SGK3: variants seen among roughly 807,000 people sequenced by gnomAD.
SGK3 encodes serum/glucocorticoid regulated kinase family member 3, also known as serine/threonine-protein kinase Sgk3.
In SGK3, 47 loss-of-function variants were observed where a neutral mutation model predicts 68.5. That is an observed-to-expected ratio of 0.69 (90% CI 0.54 to 0.87). The LOEUF is 0.87. SGK3 is among the 40% of genes least tolerant of loss of function. The probability of loss-of-function intolerance (pLI) is 0.00; values close to 1 mark genes in which losing one functional copy is unlikely to be tolerated. For synonymous variants in SGK3, 181 were observed against 189.1 expected (o/e 0.96, Z 0.35); for missense variants, 479 against 575.5 (o/e 0.83, Z 1.72).
At chr8:66,787,918 C>G (rs1301925984) in intron 1 of SGK3, among the ~76,000 whole-genome samples, 2 of 152,242 alleles carry the variant, frequency 1.3e-5, no homozygotes, top group Non-Finnish European at 2.9e-5. Flanking sequence ...GGCACTCCTC[C>G]TTACAGGTAA....
rs372185721 is a variant in SGK3, at chr8:66,824,922, TA to T, written c.417+2469del. 1.1e-4 allele frequency among the ~76,000 whole-genome samples: 17 copies of T among 152,336 alleles called. No individual in the cohort carries two copies. The East Asian group carries it at 3.1e-3, about 28-fold the overall frequency. On this transcript the variant is annotated intron_variant, in intron 6 of 16. Transcript: ENST00000521198. ...TATATATTGGTAAGGTTATGGATTT[TA>T]AAAAACCTTTTTCCTAATACTTTTG... is the stretch of plus-strand genomic sequence containing the variant.
chr8:66,800,696 A>G (rs1002135456), intron 3 of SGK3, among the ~76,000 whole-genome samples: 2 of 152,192 alleles, frequency 1.3e-5, no homozygotes, highest in African/African-American at 4.8e-5. Flanking sequence ...CTATGTATGT[A>G]TTTGTTCCTA....
intron 4 of SGK3, 89 bp from the exon 5 acceptor site, chr8:66,813,764 A>G: frequency 8.9e-7 from 1 of 1,126,910 alleles, no homozygotes; most frequent in Admixed American, 3.3e-5. Context: ...ATCAAAATTC[A>G]CTATCTTGTG....
intron 16 of SGK3, among the ~76,000 whole-genome samples, chr8:66,851,815 T>C (rs1198758374): frequency 6.6e-6 from 1 of 152,170 alleles, no homozygotes; most frequent in Non-Finnish European, 1.5e-5. Context: ...AGGCCAGTAA[T>C]GATGTTAGTC....
chr8:66,835,837 C>T lies in SGK3; in HGVS notation c.600C>T (p.Asn200=), dbSNP rs561632293. 1 of 1,609,528 alleles carries T rather than the reference C, an allele frequency of 6.2e-7. No individual in the cohort carries two copies. The highest frequency in any genetic ancestry group is 1.3e-5 in the African/African-American group (1 of 74,752). ...TGTTACAGAAAAAAATAGTTCTCAACAGAAAAGAGGTAAAATAAAATAGTT... is the reference window on the plus strand; with the variant it reads ...TGTTACAGAAAAAAATAGTTCTCAATAGAAAAGAGGTAAAATAAAATAGTT... ...VKVLQKKIVL[N]RKEQKHIMAE... The change falls in exon 9 of 17, where the codon AAC becomes AAT. Residue 200 remains asparagine, a synonymous_variant. Coordinates refer to ENST00000521198, the MANE Select transcript of SGK3 (RefSeq NM_001033578.3).
At chr8:66,813,384 G>C (rs1028653691) in intron 4 of SGK3, among the ~76,000 whole-genome samples, 7 of 152,154 alleles carry the variant, frequency 4.6e-5, no homozygotes, top group Admixed American at 4.6e-4. Context: ...GAGTTTTGGC[G>C]ATATTCAGTT....
At chr8:66,773,844 C>A (rs899360361) in intron 1 of SGK3, among the ~76,000 whole-genome samples, 1 of 152,096 alleles carries the variant, frequency 6.6e-6, no homozygotes, top group African/African-American at 2.4e-5. Context: ...TCGTTTATTT[C>A]TAGAATTTTC....
At chr8:66,770,837 C>G (rs191280598) in intron 1 of SGK3, among the ~76,000 whole-genome samples, 1 of 152,300 alleles carries the variant, frequency 6.6e-6, no homozygotes, top group Non-Finnish European at 1.5e-5. Context: ...CTCTAACCAT[C>G]TTGTTCTCCC....
intron 10 of SGK3, among the ~76,000 whole-genome samples, chr8:66,839,557 A>ATT (rs1382515146): frequency 1.4e-5 from 1 of 72,518 alleles, no homozygotes; most frequent in Non-Finnish European, 2.4e-5. Context: ...ATATATATAT[A>ATT]TTTTCATATG....
At chr8:66,855,417 G>C (rs966714861) in intron 16 of SGK3, among the ~76,000 whole-genome samples, 12 of 152,186 alleles carry the variant, frequency 7.9e-5, no homozygotes, top group African/African-American at 2.9e-4. Flanking sequence ...TGGCCAGGCT[G>C]ATCTTGAACT....
At chr8:66,733,406 A>G (rs753221598) in intron 1 of SGK3, among the ~76,000 whole-genome samples, 1 of 152,230 alleles carries the variant, frequency 6.6e-6, no homozygotes, top group Non-Finnish European at 1.5e-5. Context: ...CACCCCTGTT[A>G]GCAACACTGA....
At chr8:66,764,897 C>A (rs753659221) in intron 1 of SGK3, among the ~76,000 whole-genome samples, 1 of 152,110 alleles carries the variant, frequency 6.6e-6, no homozygotes, top group Non-Finnish European at 1.5e-5. Flanking sequence ...TACTTCATTC[C>A]TTTTTATGGC....
intron 6 of SGK3, among the ~76,000 whole-genome samples, chr8:66,827,164 C>T (rs898779985): frequency 2.0e-5 from 3 of 151,248 alleles, no homozygotes; most frequent in Non-Finnish European, 4.4e-5. Context: ...GGTGGATCAT[C>T]TGAGGTCAGG....
chr8:66,735,234 G>A (rs1420173996), intron 1 of SGK3, among the ~76,000 whole-genome samples: 2 of 152,162 alleles, frequency 1.3e-5, no homozygotes, highest in African/African-American at 4.8e-5. Flanking sequence ...CTGTTGATAT[G>A]TATAGTTCAG....
At chr8:66,735,980 G>A (rs1220866765) in intron 1 of SGK3, among the ~76,000 whole-genome samples, 2 of 152,136 alleles carry the variant, frequency 1.3e-5, no homozygotes, top group African/African-American at 2.4e-5. Context: ...TGGAATGAAC[G>A]TCATTGATGC....
At chr8:66,749,665 TCAATTTTAG>T (rs1324418874) in intron 1 of SGK3, among the ~76,000 whole-genome samples, 1 of 152,108 alleles carries the variant, frequency 6.6e-6, no homozygotes, top group African/African-American at 2.4e-5. Context: ...TAATGTTATA[TCAATTTTAG>T]CAATTTTTCT....
In SGK3 at chr8:66,847,211, G is replaced by A; in HGVS notation, c.1093G>A (p.Asp365Asn). Reference protein sequence around the residue: ...LYGLPPFYCRDVAEMYDNILH... With the variant: ...LYGLPPFYCRNVAEMYDNILH... ...TTTCCAGCCTCCTTTTTATTGCCGA[G>A]ATGTTGCTGAAATGTATGACAATAT... is the stretch of plus-strand genomic sequence containing the variant. Residue 365 changes from aspartate (D) to asparagine (N), a missense_variant, in exon 15 of 17, where the codon GAT becomes AAT. Physicochemically the swap from Asp to Asn is conservative, Grantham distance 23. Around this residue, in one of 3 missense-constraint regions of SGK3, gnomAD observed 173 missense variants for 214.3 expected, o/e 0.81. Transcript: ENST00000521198. 6.2e-7 allele frequency: 1 copy of A among 1,603,316 alleles called. No homozygotes were observed. Among genetic ancestry groups the A allele is most frequent in the East Asian group, 2.2e-5 (1 of 44,738 alleles).
In SGK3 at chr8:66,847,231, C is replaced by T; in HGVS notation, c.1113C>T (p.Asp371=). The T allele has an allele frequency of 6.2e-7, 1 of 1,611,346 alleles. No homozygotes were observed. The highest frequency in any genetic ancestry group is 1.7e-5 in the Admixed American group (1 of 59,738). ...FYCRDVAEMY[D]NILHKPLSLR... is the part of the protein sequence containing the mutation. ...GCCGAGATGTTGCTGAAATGTATGACAATATCCTTCACAAACCCCTAAGTT... is the reference window on the plus strand; with the variant it reads ...GCCGAGATGTTGCTGAAATGTATGATAATATCCTTCACAAACCCCTAAGTT... Residue 371 remains aspartate (D), a synonymous_variant, in exon 15 of 17, where the codon GAC becomes GAT. Coordinates refer to ENST00000521198, the MANE Select transcript of SGK3 (RefSeq NM_001033578.3).
chr8:66,836,988 C>T (rs1206329711), intron 10 of SGK3, among the ~76,000 whole-genome samples: 1 of 152,030 alleles, frequency 6.6e-6, no homozygotes, highest in South Asian at 2.1e-4. Flanking sequence ...TTGGGAAATG[C>T]TGCTATTACA....
Sources: allele counts gnomAD v4.1 joint callset (sites outside exome capture counted in the v4.1 genomes callset), GRCh38; gene constraint gnomAD v4.1.1; regional missense constraint gnomAD v4.1.1; transcripts MANE v1.5; gene names NCBI Gene and HGNC (gene_info 2026-07-23, HGNC 2026-07-21).